Variants in C2orf72 observed in about 807,000 individuals in gnomAD.
The protein encoded by C2orf72 is chromosome 2 open reading frame 72, also known as uncharacterized protein C2orf72.
A neutral mutation model predicts 14.4 loss-of-function variants in C2orf72; 16 were observed. The ratio of observed to expected loss-of-function variants is 1.11; its 90% CI spans 0.75 to 1.69. The LOEUF (loss-of-function observed/expected upper bound fraction) is 1.69, where lower values mean the gene tolerates loss of function less well. Ranked by LOEUF, C2orf72 falls within the 40% of genes most tolerant of loss-of-function variation. C2orf72 has a pLI of 0.00. For missense variants in C2orf72, 371 were observed against 358.3 expected, an observed-to-expected ratio of 1.04 and a Z score of -0.29; for synonymous variants, 168 against 176.8, an observed-to-expected ratio of 0.95 and a Z score of 0.40.
At chr2:231,043,463 A>G (rs997319750) in intron 2 of C2orf72, among the ~76,000 whole-genome samples, 3 of 152,196 alleles carry the variant, frequency 2.0e-5, no homozygotes, top group African/African-American at 7.2e-5. Context: ...ATTCAGAGAT[A>G]ACTACAATTA....
chr2:231,037,979 CG>C lies in C2orf72; in HGVS notation c.418del (p.Ala140ArgfsTer86). ...LRDVRGRRRA[G>X]AALVGVLVAE... Reference sequence around the variant, plus strand: ...GGGACGTGCGCGGCCGGCGGCGGGCCGGGGCGGCGCTGGTCGGGGTGCTGGT... The same window carrying C: ...GGGACGTGCGCGGCCGGCGGCGGGCCGGGCGGCGCTGGTCGGGGTGCTGGT... On this transcript the variant is annotated frameshift_variant, in exon 1 of 3. Coordinates refer to ENST00000373640, the MANE Select transcript of C2orf72 (RefSeq NM_001144994.2). LOFTEE classifies it high-confidence loss of function. 9.7e-7 allele frequency: 1 copy of C among 1,026,654 alleles called. No individual in the cohort carries two copies. The highest frequency in any genetic ancestry group is 1.2e-6 in the Non-Finnish European group (1 of 862,468). 63.6% of individuals were successfully genotyped at this position (1,026,654 alleles called of 1,614,324 possible).
rs1043188532 is a variant in C2orf72, at chr2:231,038,096, G to A, written c.531G>A (p.Gly177=). Residue 177 remains glycine (G), a synonymous_variant, in exon 1 of 3, where the codon GGG becomes GGA. Transcript: ENST00000373640. The part of the protein sequence containing the change: ...LRAVFGRQAG[G]PVQAAAYCPG... ...CCGTGTTCGGCCGCCAGGCGGGGGGGCCCGTGCAGGCGGCCGCCTACTGCC... is the reference window on the plus strand; with the variant it reads ...CCGTGTTCGGCCGCCAGGCGGGGGGACCCGTGCAGGCGGCCGCCTACTGCC... 3.5e-5 allele frequency: 40 copies of A among 1,152,050 alleles called. 1 individual carries two copies. In the South Asian group the frequency reaches 1.1e-3, roughly 30 times the overall value. 71.4% of individuals were successfully genotyped at this position (1,152,050 alleles called of 1,614,324 possible). A position where few individuals can be genotyped will look rare whatever the true frequency, so the allele number is the denominator to read the frequency against.
Position 231,037,801 on chromosome 2 carries a change from C to T in C2orf72, c.236C>T (p.Ala79Val). The change falls in exon 1 of 3, where the codon GCG (alanine) becomes GTG (valine). Residue 79 changes from alanine to valine, a missense_variant. This residue lies in a region of C2orf72 where 214 missense variants were observed against 178.7 expected (regional missense o/e 1.20). Coordinates refer to ENST00000373640, the MANE Select transcript of C2orf72 (RefSeq NM_001144994.2). ...GCAGAGGGCGCGGGGCCCGGGGCGGCGCGCGGGGCGCAGAGGGCGGCGAGG... is the reference window on the plus strand; with the variant it reads ...GCAGAGGGCGCGGGGCCCGGGGCGGTGCGCGGGGCGCAGAGGGCGGCGAGG... ...AAAEGAGPGAARGAQRAARAA... is the reference protein window; with the variant it reads ...AAAEGAGPGAVRGAQRAARAA... The T allele has an allele frequency of 2.0e-6, 2 of 981,932 alleles. No individual in the cohort carries two copies. Among genetic ancestry groups the T allele is most frequent in the South Asian group, 9.1e-5 (2 of 22,062 alleles). The allele number at this position is 981,932 out of a possible 1,614,324, so 60.8% of individuals were successfully genotyped here. A position where few individuals can be genotyped will look rare whatever the true frequency, so the allele number is the denominator to read the frequency against.
At chr2:231,044,962 TACACAC>T (rs1553555593) in intron 2 of C2orf72, among the ~76,000 whole-genome samples, 2 of 146,424 alleles carry the variant, frequency 1.4e-5, no homozygotes, top group Admixed American at 6.8e-5. Flanking sequence ...TATATATATA[TACACAC>T]ACACACACAT....
chr2:231,037,803 CGCGGGGCGCAGAGGGCGGCGA>C lies in C2orf72; in HGVS notation c.240_260del (p.Gly81_Arg87del), dbSNP rs1693274128. On this transcript the variant is annotated inframe_deletion, in exon 1 of 3. Transcript: ENST00000373640. ...AGAGGGCGCGGGGCCCGGGGCGGCG[CGCGGGGCGCAGAGGGCGGCGA>C]GGGCGGCTGGGGCGGCGGGGGCGGC... The C allele has an allele frequency of 3.1e-6, 3 of 981,646 alleles. No individual in the cohort carries two copies. The highest frequency in any genetic ancestry group is 9.1e-5 in the South Asian group (2 of 22,064). The allele number at this position is 981,646 out of a possible 1,614,324, so 60.8% of individuals were successfully genotyped here. A position where few individuals can be genotyped will look rare whatever the true frequency, so the allele number is the denominator to read the frequency against.
intron 2 of C2orf72, among the ~76,000 whole-genome samples, chr2:231,042,946 G>T (rs1693363080): frequency 6.6e-6 from 1 of 152,270 alleles, no homozygotes; most frequent in South Asian, 2.1e-4. Context: ...GGAGGTTGCA[G>T]TGAGCCAAGG....
chr2:231,037,970 G>C lies in C2orf72; in HGVS notation c.405G>C (p.Arg135=), dbSNP rs1021396870. ...AGATGCTGCGGGACGTGCGCGGCCG[G>C]CGGCGGGCCGGGGCGGCGCTGGTCG... ...LREMLRDVRG[R]RRAGAALVGV... is the part of the protein sequence containing the mutation. The change falls in exon 1 of 3, where the codon CGG becomes CGC. Residue 135 remains arginine, a synonymous_variant. Transcript: ENST00000373640. The C allele has an allele frequency of 2.3e-5, 24 of 1,022,694 alleles. No individual in the cohort carries two copies. Among genetic ancestry groups the C allele is most frequent in the Non-Finnish European group, 2.8e-5 (24 of 860,358 alleles). The allele number at this position is 1,022,694 out of a possible 1,614,324, so 63.4% of individuals were successfully genotyped here.
intron 1 of C2orf72, among the ~76,000 whole-genome samples, chr2:231,039,071 G>C (rs1363586040): frequency 2.6e-5 from 4 of 151,928 alleles, no homozygotes; most frequent in Non-Finnish European, 5.9e-5. Flanking sequence ...GCTATCGCAA[G>C]GACAAAAAAC....
intron 1 of C2orf72, 91 bp from the exon 2 acceptor site, chr2:231,041,205 G>C (rs532339134): frequency 2.2e-6 from 2 of 898,942 alleles, no homozygotes. Flanking sequence ...GCAGTTGACC[G>C]TTGGGGCACT....
At chr2:231,040,437 C>T (rs538421885) in intron 1 of C2orf72, among the ~76,000 whole-genome samples, 4 of 152,320 alleles carry the variant, frequency 2.6e-5, no homozygotes, top group East Asian at 1.9e-4. Flanking sequence ...CTATGTTAAG[C>T]GCTTTCCTAC....
intron 1 of C2orf72, among the ~76,000 whole-genome samples, chr2:231,040,140 G>C (rs1693320132): frequency 6.6e-6 from 1 of 152,080 alleles, no homozygotes; most frequent in African/African-American, 2.4e-5. Context: ...TGTGCATTCA[G>C]AACTGGACTT....
intron 1 of C2orf72, chr2:231,041,047 C>G: frequency 5.5e-6 from 2 of 362,218 alleles, no homozygotes; most frequent in Non-Finnish European, 9.9e-6. Context: ...ATTTCCTCAA[C>G]ATGGTACCTA....
chr2:231,041,392 G>A lies in C2orf72; in HGVS notation c.731G>A (p.Cys244Tyr), dbSNP rs1693337832. The change falls in exon 2 of 3, where the codon TGC becomes TAC. Residue 244 changes from cysteine (C) to tyrosine (Y), a missense_variant. Physicochemically the swap from Cys to Tyr is radical, Grantham distance 194 (BLOSUM62 -2). Around this residue, in one of 3 missense-constraint regions of C2orf72, gnomAD observed 145 missense variants for 149.4 expected, o/e 0.97. Coordinates refer to ENST00000373640, the MANE Select transcript of C2orf72 (RefSeq NM_001144994.2). ...AGGAAGAACCAGGATGTTGCTGCCT[G>A]CAGAAGCTCAGCTCAGGGTGAGTGC... ...SRRKNQDVAA[C>Y]RSSAQEDFQE... The A allele has an allele frequency of 6.4e-7, 1 of 1,551,368 alleles. No homozygotes were observed. Among genetic ancestry groups the A allele is most frequent in the African/African-American group, 1.4e-5 (1 of 73,164 alleles).
In C2orf72 at chr2:231,049,308, T is replaced by C. The variant is rs976058785; in HGVS notation, c.*2287T>C. Reference sequence around the variant, plus strand: ...AGAGAAAGTCTTCATTTACTAAGATTTGGGTTCTGCCTCCCAAGTGACAAT... The same window carrying C: ...AGAGAAAGTCTTCATTTACTAAGATCTGGGTTCTGCCTCCCAAGTGACAAT... On this transcript the variant is annotated 3_prime_UTR_variant, in exon 3 of 3. Coordinates refer to ENST00000373640, the MANE Select transcript of C2orf72 (RefSeq NM_001144994.2). 2.6e-5 allele frequency: 4 copies of C among 152,254 alleles called. No homozygotes were observed. Among genetic ancestry groups the C allele is most frequent in the African/African-American group, 9.6e-5 (4 of 41,462 alleles). The allele number at this position is 152,254 out of a possible 1,614,324, so 9.4% of individuals were successfully genotyped here.
rs1049990570 is a variant in C2orf72, at chr2:231,038,232, C to T, written c.634+33C>T. The stretch of plus-strand genomic sequence containing the variant: ...TGCGCGGGGCCCGGCTGGGCGCGGG[C>T]GGGCGGTGGCTCGGGCACGTCCCCC... On this transcript the variant is annotated intron_variant, in intron 1 of 2. Coordinates refer to ENST00000373640, the MANE Select transcript of C2orf72 (RefSeq NM_001144994.2). The T allele has an allele frequency of 1.2e-4, 136 of 1,177,488 alleles. No individual in the cohort carries two copies. The African/African-American group carries it at 1.9e-3, about 17-fold the overall frequency. 72.9% of individuals were successfully genotyped at this position (1,177,488 alleles called of 1,614,324 possible). A position where few individuals can be genotyped will look rare whatever the true frequency, so the allele number is the denominator to read the frequency against.
At chr2:231,041,588 G>A (rs920919450) in intron 2 of C2orf72, among the ~76,000 whole-genome samples, 179 bp downstream of exon 2, 1 of 152,040 alleles carries the variant, frequency 6.6e-6, no homozygotes, top group Non-Finnish European at 1.5e-5. Context: ...GGGCACATGG[G>A]CTCGGTCAGG....
Position 231,037,657 on chromosome 2 carries a change from G to T in C2orf72, c.92G>T (p.Gly31Val). The T allele has an allele frequency of 8.9e-7, 1 of 1,119,242 alleles. No homozygotes were observed. The allele number at this position is 1,119,242 out of a possible 1,614,324, so 69.3% of individuals were successfully genotyped here. ...TTGGTGGAAGCGGCGGGGGGCCGCG[G>T]GCAGGTGCTGCTGGTGGGCGAGCTG... ...QALVEAAGGR[G>V]QVLLVGELWE... Residue 31 changes from glycine (G) to valine (V), a missense_variant, in exon 1 of 3, where the codon GGG becomes GTG. Around this residue, in one of 3 missense-constraint regions of C2orf72, gnomAD observed 214 missense variants for 178.7 expected, o/e 1.20. Coordinates refer to ENST00000373640, the MANE Select transcript of C2orf72 (RefSeq NM_001144994.2).
intron 2 of C2orf72, 106 bp from the exon 3 acceptor site, chr2:231,046,776 T>A: frequency 1.7e-6 from 2 of 1,202,596 alleles, no homozygotes; most frequent in Non-Finnish European, 2.3e-6. Context: ...TTTGTTTTGT[T>A]TTTTAAGTAG....
chr2:231,044,187 G>A (rs961598867), intron 2 of C2orf72, among the ~76,000 whole-genome samples: 1 of 152,202 alleles, frequency 6.6e-6, no homozygotes, highest in African/African-American at 2.4e-5. Context: ...GTGAGTCAGC[G>A]AGTGAGTGGT....
Sources: allele counts gnomAD v4.1 joint callset (sites outside exome capture counted in the v4.1 genomes callset), GRCh38; gene constraint gnomAD v4.1.1; regional missense constraint gnomAD v4.1.1; transcripts MANE v1.5; gene names NCBI Gene and HGNC (gene_info 2026-07-23, HGNC 2026-07-21).